Variants in ABCD2 observed in about 807,000 individuals in gnomAD.
ABCD2 encodes ATP binding cassette subfamily D member 2, also known as ATP-binding cassette sub-family D member 2.
A neutral mutation model predicts 70.9 loss-of-function variants in ABCD2; 36 were observed. That is an observed-to-expected ratio of 0.51 (90% CI 0.39 to 0.67). The LOEUF (loss-of-function observed/expected upper bound fraction) is 0.67. Among genes scored for constraint, ABCD2 ranks in the 30% least tolerant of loss-of-function variants. ABCD2 has a pLI of 0.00. For missense variants in ABCD2, 729 were observed against 890.2 expected (o/e 0.82, Z 2.30); for synonymous variants, 304 against 306.9 (o/e 0.99, Z 0.10).
intron 2 of ABCD2, among the ~76,000 whole-genome samples, chr12:39,608,392 T>C (rs971237105): frequency 1.3e-5 from 2 of 151,876 alleles, no homozygotes; most frequent in African/African-American, 2.4e-5. Context: ...GGAGCAATAA[T>C]GTACTACTGG....
chr12:39,535,013 G>A, the ABCD2 span, among the ~76,000 whole-genome samples: 1 of 152,064 alleles, frequency 6.6e-6, no homozygotes, highest in African/African-American at 2.4e-5. Context: ...TCTGACACTG[G>A]CCTCTAATTT....
At chr12:39,598,024 C>A (rs1365273763) in intron 6 of ABCD2, among the ~76,000 whole-genome samples, 1 of 152,136 alleles carries the variant, frequency 6.6e-6, no homozygotes, top group Non-Finnish European at 1.5e-5. Context: ...TGAGCTATAG[C>A]AGCATTCTTC....
chr12:39,586,004 T>G, intron 7 of ABCD2, 148 bp downstream of exon 7: 1 of 664,398 alleles, frequency 1.5e-6, no homozygotes, highest in South Asian at 3.1e-5. Flanking sequence ...ATGTAAATAA[T>G]GGAACAGCAA....
chr12:39,593,249 T>G (rs1483401962), intron 6 of ABCD2, among the ~76,000 whole-genome samples: 1 of 152,108 alleles, frequency 6.6e-6, no homozygotes, highest in Non-Finnish European at 1.5e-5. Context: ...TTTTTTTGTT[T>G]TATTTTTATT....
chr12:39,607,643 A>G lies in ABCD2; in HGVS notation c.1192T>C (p.Ser398Pro). Residue 398 changes from serine (S) to proline (P), a missense_variant, in exon 3 of 10, where the codon TCT becomes CCT. Ser to Pro is a moderately conservative substitution (Grantham distance 74, BLOSUM62 -1). Transcript: ENST00000308666. The stretch of plus-strand genomic sequence containing the variant: ...ATCCTTTCAATAGCATCAGCTCCAG[A>G]GGCCAGTAAATTTCGAGCAGTGGTA... ...AFTTARNLLA[S>P]GADAIERIMS... 1 of 1,613,756 alleles carries G rather than the reference A, an allele frequency of 6.2e-7. No homozygotes were observed. Among genetic ancestry groups the G allele is most frequent in the Non-Finnish European group, 8.5e-7 (1 of 1,179,846 alleles).
chr12:39,598,814 A>C (rs1405233106), intron 6 of ABCD2, among the ~76,000 whole-genome samples: 3 of 152,204 alleles, frequency 2.0e-5, no homozygotes. Flanking sequence ...TATTTTTTAA[A>C]TTTACTCGAA....
At chr12:39,574,021 C>T (rs964314502) in intron 8 of ABCD2, among the ~76,000 whole-genome samples, 180 bp from the exon 9 acceptor site, 15 of 152,210 alleles carry the variant, frequency 9.9e-5, no homozygotes, top group Middle Eastern at 6.8e-3. Context: ...TATAATATCA[C>T]ATTTTTAATA....
intron 2 of ABCD2, among the ~76,000 whole-genome samples, chr12:39,613,820 G>A (rs1337544454): frequency 1.3e-5 from 2 of 152,176 alleles, no homozygotes; most frequent in Admixed American, 6.5e-5. Context: ...TTTATTATGT[G>A]AATTTGAATA....
chr12:39,611,018 C>T (rs748525139), intron 2 of ABCD2, among the ~76,000 whole-genome samples: 1 of 152,128 alleles, frequency 6.6e-6, no homozygotes, highest in Non-Finnish European at 1.5e-5. Context: ...AAAAGTTCCT[C>T]ATTTAAGGAT....
At chr12:39,573,625 C>T in intron 9 of ABCD2, 91 bp downstream of exon 9, 1 of 1,420,252 alleles carries the variant, frequency 7.0e-7, no homozygotes, top group Non-Finnish European at 9.5e-7. Flanking sequence ...GTGAAATACC[C>T]TACCCTCTAC....
chr12:39,566,110 C>T (rs1941343014), intron 9 of ABCD2, among the ~76,000 whole-genome samples: 1 of 152,144 alleles, frequency 6.6e-6, no homozygotes, highest in East Asian at 1.9e-4. Flanking sequence ...TGTGTCTCTG[C>T]CCGGCTTTGG....
chr12:39,596,290 C>A (rs1421066675), intron 6 of ABCD2, among the ~76,000 whole-genome samples: 1 of 152,144 alleles, frequency 6.6e-6, no homozygotes, highest in Non-Finnish European at 1.5e-5. Flanking sequence ...ACATCCATAG[C>A]ATTTCTTGCC....
chr12:39,547,501 A>G (rs377304609), downstream of ABCD2, among the ~76,000 whole-genome samples: 21 of 152,296 alleles, frequency 1.4e-4, no homozygotes, highest in African/African-American at 4.6e-4. Flanking sequence ...AGGAAGTTCT[A>G]TCACATGCTA....
intron 9 of ABCD2, 92 bp downstream of exon 9, chr12:39,573,624 C>T: frequency 1.4e-6 from 2 of 1,403,386 alleles, no homozygotes; most frequent in South Asian, 1.5e-5. Flanking sequence ...AGTGAAATAC[C>T]CTACCCTCTA....
Position 39,618,782 on chromosome 12 carries a change from A to G in ABCD2, c.834T>C (p.Phe278=), listed in dbSNP as rs1182166561. 1.9e-6 allele frequency: 3 copies of G among 1,614,094 alleles called. No individual in the cohort carries two copies. The highest frequency in any genetic ancestry group is 2.5e-6 in the Non-Finnish European group (3 of 1,180,042). Residue 278 remains phenylalanine, a synonymous_variant, in exon 1 of 10, where the codon TTT becomes TTC. Coordinates refer to ENST00000308666, the MANE Select transcript of ABCD2 (RefSeq NM_005164.4). ...GTGCTTCCTCTGCCACCAGTTTGCC[A>G]AATTTGGGAGAACAGGCTTTTAACA... The part of the protein sequence containing the change: ...AKVLKACSPK[F]GKLVAEEAHR...
intron 6 of ABCD2, among the ~76,000 whole-genome samples, chr12:39,589,514 A>G (rs1266768217): frequency 1.3e-5 from 2 of 151,214 alleles, no homozygotes; most frequent in African/African-American, 2.4e-5. Flanking sequence ...CAGCCTCCCA[A>G]GTAGCTGGGA....
At chr12:39,585,448 A>T (rs2120632990) in intron 7 of ABCD2, among the ~76,000 whole-genome samples, 1 of 152,234 alleles carries the variant, frequency 6.6e-6, no homozygotes, top group African/African-American at 2.4e-5. Flanking sequence ...ATATAGAATC[A>T]TGTGTCTGCA....
chr12:39,572,263 C>T (rs1338371248), intron 9 of ABCD2, among the ~76,000 whole-genome samples: 1 of 152,080 alleles, frequency 6.6e-6, no homozygotes, highest in Non-Finnish European at 1.5e-5. Context: ...CTAATATGTC[C>T]CAACATGTGA....
At chr12:39,614,484 C>T (rs947878197) in intron 2 of ABCD2, among the ~76,000 whole-genome samples, 2 of 151,978 alleles carry the variant, frequency 1.3e-5, no homozygotes, top group Non-Finnish European at 2.9e-5. Flanking sequence ...TTCATTTTAT[C>T]CTCTTTTTCC....
Sources: allele counts gnomAD v4.1 joint callset (sites outside exome capture counted in the v4.1 genomes callset), GRCh38; gene constraint gnomAD v4.1.1; transcripts MANE v1.5; gene names NCBI Gene and HGNC (gene_info 2026-07-23, HGNC 2026-07-21).